FIP1L1: variants seen among roughly 807,000 people sequenced by gnomAD.
The protein encoded by FIP1L1 is pre-mRNA 3'-end-processing factor FIP1.
FIP1L1 carries 21 observed loss-of-function variants against 84.6 expected under a neutral mutation model. The observed-to-expected ratio is 0.25, with a 90% confidence interval of 0.18 to 0.36. The LOEUF (loss-of-function observed/expected upper bound fraction) is 0.36. Among genes scored for constraint, FIP1L1 ranks in the 10% least tolerant of loss-of-function variants. The pLI is 1.00. For missense variants in FIP1L1, 526 were observed against 751.1 expected (o/e 0.70, Z 3.50); for synonymous variants, 263 against 242.3 (o/e 1.09, Z -0.80).
chr4:53,405,793 G>T (rs1202718953), intron 10 of FIP1L1, among the ~76,000 whole-genome samples: 6 of 150,628 alleles, frequency 4.0e-5, no homozygotes, highest in Admixed American at 4.0e-4. Flanking sequence ...GTTCACTCAT[G>T]ATTTGGCTCT....
chr4:53,435,615 T>C (rs1768789532), intron 13 of FIP1L1, among the ~76,000 whole-genome samples: 2 of 152,208 alleles, frequency 1.3e-5, no homozygotes, highest in South Asian at 4.1e-4. Flanking sequence ...AAAATTACCT[T>C]TTTTACCTTT....
At chr4:53,407,455 G>T (rs1241519070) in intron 10 of FIP1L1, among the ~76,000 whole-genome samples, 1 of 152,168 alleles carries the variant, frequency 6.6e-6, no homozygotes, top group Admixed American at 6.5e-5. Flanking sequence ...TGGAATAGGT[G>T]TGGTGTGGTG....
At chr4:53,459,186 C>T (rs1721121315) in intron 17 of FIP1L1, 116 bp from the exon 18 acceptor site, 2 of 713,468 alleles carry the variant, frequency 2.8e-6, no homozygotes, top group South Asian at 4.0e-5. Flanking sequence ...TGAGAAAATG[C>T]ATTAGATTAT....
chr4:53,427,928 C>T (rs1765005181), intron 12 of FIP1L1, 99 bp from the exon 13 acceptor site: 1 of 1,043,608 alleles, frequency 9.6e-7, no homozygotes, highest in African/African-American at 1.6e-5. Context: ...AATTAAACTA[C>T]CTTTTACTTT....
rs201320031 is a variant in FIP1L1, at chr4:53,385,238, C to T, written c.332+1362C>T. On this transcript the variant is annotated intron_variant, in intron 5 of 17. Coordinates refer to ENST00000337488, the MANE Select transcript of FIP1L1 (RefSeq NM_030917.4). ...CATAAAATTGTAATAATTGCATGTTCATTAAATGTTATGTAAAATTATTTG... is the reference window on the plus strand; with the variant it reads ...CATAAAATTGTAATAATTGCATGTTTATTAAATGTTATGTAAAATTATTTG... 1.2e-4 allele frequency among the ~76,000 whole-genome samples: 19 copies of T among 152,124 alleles called. No homozygotes were observed. In the East Asian group the frequency reaches 3.3e-3, roughly 26 times the overall value.
intron 11 of FIP1L1, among the ~76,000 whole-genome samples, chr4:53,422,809 G>T (rs1470255155): frequency 6.6e-6 from 1 of 151,790 alleles, no homozygotes; most frequent in Admixed American, 6.6e-5. Flanking sequence ...TCATCTCCTG[G>T]ACTCAAGCAA....
At chr4:53,404,437 GT>G (rs1752071296) in intron 10 of FIP1L1, among the ~76,000 whole-genome samples, 2 of 152,008 alleles carry the variant, frequency 1.3e-5, no homozygotes, top group African/African-American at 4.8e-5. Context: ...TTGGTTCCAA[GT>G]CTTTGCTATT....
intron 11 of FIP1L1, 58 bp from the exon 12 acceptor site, chr4:53,425,814 A>G (rs1038584149): frequency 8.1e-6 from 10 of 1,231,654 alleles, no homozygotes; most frequent in Non-Finnish European, 1.2e-5. Context: ...CACTGCTTTT[A>G]TTATTTTTTA....
chr4:53,396,073 C>A (rs1747137365), intron 9 of FIP1L1, among the ~76,000 whole-genome samples: 1 of 152,004 alleles, frequency 6.6e-6, no homozygotes, highest in Non-Finnish European at 1.5e-5. Flanking sequence ...TGTATACCAC[C>A]ACATCTGTAT....
rs563732721 is a variant in FIP1L1, at chr4:53,445,987, A to G, written c.1285+1884A>G. ...TTGAAGATGGAGATGAAGAAAATTG[A>G]ATAGACTCCGAAGGATTTATTTGAT... On this transcript the variant is annotated intron_variant, in intron 15 of 17. Transcript: ENST00000337488. Among the ~76,000 whole-genome samples the G allele has an allele frequency of 2.9e-4, 44 of 152,286 alleles. No individual in the cohort carries two copies. The South Asian group carries it at 8.5e-3, about 29-fold the overall frequency.
chr4:53,403,772 C>T (rs1197872661), intron 10 of FIP1L1, among the ~76,000 whole-genome samples: 2 of 152,060 alleles, frequency 1.3e-5, no homozygotes, highest in African/African-American at 4.8e-5. Flanking sequence ...GTTCTGTTGC[C>T]CAATGCCGGC....
chr4:53,394,587 G>T (rs1292148584), intron 9 of FIP1L1, among the ~76,000 whole-genome samples: 1 of 152,076 alleles, frequency 6.6e-6, no homozygotes, highest in Non-Finnish European at 1.5e-5. Flanking sequence ...GATAATCATT[G>T]TCTTTGCTTT....
Position 53,459,473 on chromosome 4 carries a change from T to C in FIP1L1, c.*24T>C. 3.7e-6 allele frequency: 6 copies of C among 1,613,238 alleles called. No homozygotes were observed. Among genetic ancestry groups the C allele is most frequent in the Non-Finnish European group, 5.1e-6 (6 of 1,179,324 alleles). On this transcript the variant is annotated 3_prime_UTR_variant, in exon 18 of 18. Transcript: ENST00000337488. The stretch of plus-strand genomic sequence containing the variant: ...AGGCATGGTTTTGGCCTTTTGTGTA[T>C]ATTAGTACCAGAAGTAGATACTATA...
In FIP1L1 at chr4:53,427,955, G is replaced by C. The variant is rs112387986; in HGVS notation, c.1018-72G>C. The stretch of plus-strand genomic sequence containing the variant: ...TTTTACTTTGTTTCTTAGATTAAAT[G>C]AAATTAATTTACTAAGATTAATCTT... On this transcript the variant is annotated intron_variant, in intron 12 of 17. Coordinates refer to ENST00000337488, the MANE Select transcript of FIP1L1 (RefSeq NM_030917.4). 15 of 1,247,152 alleles carry C rather than the reference G, an allele frequency of 1.2e-5. No homozygotes were observed. In the African/African-American group the frequency reaches 1.8e-4, roughly 15 times the overall value. The allele number at this position is 1,247,152 out of a possible 1,614,324, so 77.3% of individuals were successfully genotyped here.
intron 14 of FIP1L1, 143 bp from the exon 15 acceptor site, chr4:53,443,905 A>C: frequency 1.9e-6 from 1 of 513,806 alleles, no homozygotes; most frequent in South Asian, 3.5e-5. Context: ...ATGTTTTATT[A>C]ATAAAATTAT....
intron 3 of FIP1L1, among the ~76,000 whole-genome samples, 155 bp downstream of exon 3, chr4:53,379,419 T>G (rs1261187235): frequency 6.6e-6 from 1 of 152,230 alleles, no homozygotes; most frequent in African/African-American, 2.4e-5. Flanking sequence ...ATTATTCCAG[T>G]TTCAGGACCT....
chr4:53,444,141 A>T (rs1773188500), intron 15 of FIP1L1, 38 bp downstream of exon 15: 1 of 1,280,468 alleles, frequency 7.8e-7, no homozygotes, highest in South Asian at 1.2e-5. Flanking sequence ...TTCAGTTTGA[A>T]TCAGTAAAGT....
At chr4:53,381,777 T>TTTTTTTTA (rs1578094949) in intron 3 of FIP1L1, among the ~76,000 whole-genome samples, 3 of 130,020 alleles carry the variant, frequency 2.3e-5, no homozygotes, top group African/African-American at 2.8e-5. Context: ...TTTTTTTTTT[T>TTTTTTTTA]GAGACAGCAT....
chr4:53,459,986 C>T lies in FIP1L1; in HGVS notation c.*537C>T, dbSNP rs1169021324. 3 of 212,990 alleles carry T rather than the reference C, an allele frequency of 1.4e-5. No homozygotes were observed. Among genetic ancestry groups the T allele is most frequent in the East Asian group, 7.0e-5 (1 of 14,340 alleles). The allele number at this position is 212,990 out of a possible 1,614,324, so 13.2% of individuals were successfully genotyped here. On this transcript the variant is annotated 3_prime_UTR_variant, in exon 18 of 18. Coordinates refer to ENST00000337488, the MANE Select transcript of FIP1L1 (RefSeq NM_030917.4). ...TTCTAAATTTGGGTTCCTGGTGAAA[C>T]CAAATGGGGTACACTTTCATATCCA...
Sources: allele counts gnomAD v4.1 joint callset (sites outside exome capture counted in the v4.1 genomes callset), GRCh38; gene constraint gnomAD v4.1.1; transcripts MANE v1.5; gene names NCBI Gene and HGNC (gene_info 2026-07-23, HGNC 2026-07-21).